GAK: variants seen among roughly 807,000 people sequenced by gnomAD.
The protein encoded by GAK is cyclin-G-associated kinase.
A neutral mutation model predicts 143.9 loss-of-function variants in GAK; 79 were observed. The observed-to-expected ratio is 0.55, with a 90% CI of 0.46 to 0.66. The LOEUF is 0.66. Among genes scored for constraint, GAK ranks in the 30% least tolerant of loss-of-function variants. The probability of loss-of-function intolerance (pLI) is 0.00; values close to 1 mark genes in which losing one functional copy is unlikely to be tolerated. For missense variants in GAK, 1,693 were observed against 1,779.7 expected (o/e 0.95, Z 0.88); for synonymous variants, 881 against 765.5 (o/e 1.15, Z -2.49).
chr4:875,611 G>A lies in GAK; in HGVS notation c.2054+919C>T, dbSNP rs115951510. Among the ~76,000 whole-genome samples, 300 of 152,374 alleles carry A rather than the reference G, an allele frequency of 2.0e-3. 3 individuals are homozygous for A. Among genetic ancestry groups the A allele is most frequent in the African/African-American group, 6.7e-3 (279 of 41,586 alleles). On this transcript the variant is annotated intron_variant, in intron 18 of 27. Transcript: ENST00000314167. ...CTCTGTCTTGGGAGCCCCCGTGGGTGCCCCCTCTGACTCCTGGAACAATGT... is the reference window on the plus strand; with the variant it reads ...CTCTGTCTTGGGAGCCCCCGTGGGTACCCCCTCTGACTCCTGGAACAATGT...
chr4:861,740 T>C (rs1560292720), intron 23 of GAK, among the ~76,000 whole-genome samples: 1 of 152,188 alleles, frequency 6.6e-6, no homozygotes, highest in Non-Finnish European at 1.5e-5. Flanking sequence ...CTATTGCTGA[T>C]ACAGAGGAAG....
Position 926,973 on chromosome 4 carries a change from G to A in GAK, c.145+5070C>T, listed in dbSNP as rs1240586165. Among the ~76,000 whole-genome samples, 71 of 22,688 alleles carry A rather than the reference G, an allele frequency of 3.1e-3. 8 individuals are homozygous for A. Among genetic ancestry groups the A allele is most frequent in the East Asian group, 0.023 (7 of 302 alleles). 14.9% of individuals were successfully genotyped at this position (22,688 alleles called of 152,430 possible). A position where few individuals can be genotyped will look rare whatever the true frequency, so the allele number is the denominator to read the frequency against. ...CCCGCACCCCTCCCCGCTCACCTGC[G>A]CTCCGCACTGCCCCGCACCCCTCCC... On this transcript the variant is annotated intron_variant, in intron 1 of 27. Coordinates refer to ENST00000314167, the MANE Select transcript of GAK (RefSeq NM_005255.4).
At chr4:920,684 C>T (rs1175627102) in intron 1 of GAK, among the ~76,000 whole-genome samples, 5 of 151,698 alleles carry the variant, frequency 3.3e-5, no homozygotes, top group Admixed American at 2.6e-4. Context: ...GCTGGGACTA[C>T]AGGCGCCCAC....
At chr4:920,838 G>A (rs1184795854) in intron 1 of GAK, among the ~76,000 whole-genome samples, 1 of 152,002 alleles carries the variant, frequency 6.6e-6, no homozygotes, top group Non-Finnish European at 1.5e-5. Flanking sequence ...CACCATGCCC[G>A]GCCCCAGATA....
chr4:880,301 C>T (rs1246462801), intron 15 of GAK, among the ~76,000 whole-genome samples: 1 of 152,024 alleles, frequency 6.6e-6, no homozygotes, highest in Non-Finnish European at 1.5e-5. Flanking sequence ...TGAGGGTCCT[C>T]TTTCCACGGC....
intron 23 of GAK, among the ~76,000 whole-genome samples, chr4:864,685 G>A (rs7663814): frequency 6.6e-6 from 1 of 151,948 alleles, no homozygotes; most frequent in African/African-American, 2.4e-5. Context: ...ACAGGGCATG[G>A]GGCATCGGCC....
At chr4:859,477 G>T in intron 24 of GAK, 129 bp downstream of exon 24, 1 of 1,602,274 alleles carries the variant, frequency 6.2e-7, no homozygotes, top group African/African-American at 1.3e-5. Flanking sequence ...GGCTCACTGT[G>T]CTCTGGGCTT....
At chr4:902,614 A>AAAAAAAAAAAAG (rs796109765) in intron 5 of GAK, among the ~76,000 whole-genome samples, 1 of 148,294 alleles carries the variant, frequency 6.7e-6, no homozygotes, top group Non-Finnish European at 1.5e-5. Context: ...AAAAAAAAAA[A>AAAAAAAAAAAAG]CCCCAAAAAA....
At chr4:875,454 C>T (rs2152786091) in intron 18 of GAK, among the ~76,000 whole-genome samples, 1 of 152,356 alleles carries the variant, frequency 6.6e-6, no homozygotes, top group East Asian at 1.9e-4. Flanking sequence ...CTCACCCAGG[C>T]CAGGCCAGCA....
chr4:914,399 C>CCA (rs1299473305), intron 1 of GAK, among the ~76,000 whole-genome samples: 1 of 125,056 alleles, frequency 8.0e-6, no homozygotes, highest in East Asian at 2.5e-4. Context: ...ATGCACGGCC[C>CCA]CACACACAGA....
chr4:863,403 C>T (rs1444292607), intron 23 of GAK, among the ~76,000 whole-genome samples: 2 of 152,166 alleles, frequency 1.3e-5, no homozygotes, highest in Non-Finnish European at 2.9e-5. Context: ...TTAGAATATT[C>T]CTTAAACTTA....
chr4:879,490 AG>A (rs1210411645), intron 15 of GAK, among the ~76,000 whole-genome samples: 1 of 140,390 alleles, frequency 7.1e-6, no homozygotes, highest in Non-Finnish European at 1.6e-5. Context: ...ACAGCACCGA[AG>A]AAAAACCCTT....
Position 865,128 on chromosome 4 carries a change from T to C in GAK, c.3160A>G (p.Thr1054Ala), listed in dbSNP as rs1200703978. 1.2e-6 allele frequency: 2 copies of C among 1,608,706 alleles called. No homozygotes were observed. The highest frequency in any genetic ancestry group is 1.3e-5 in the African/African-American group (1 of 74,974). The change falls in exon 23 of 28, where the codon ACA (threonine) becomes GCA (alanine). Residue 1054 changes from threonine to alanine, a missense_variant. Physicochemically the swap from Thr to Ala is moderately conservative, Grantham distance 58 (BLOSUM62 0). Transcript: ENST00000314167. The part of the protein sequence containing the change: ...AASAVAPTPA[T>A]EGPLFSPGGQ... ...TGGTGGGTGGTGGCCATACCTTCTG[T>C]GGCTGGCGTGGGGGCCACTGCCGAT...
intron 22 of GAK, 45 bp downstream of exon 22, chr4:866,319 G>A (rs759766233): frequency 6.3e-7 from 1 of 1,588,256 alleles, no homozygotes; most frequent in Admixed American, 1.7e-5. Context: ...GCGGTCCTGA[G>A]GGAGGCGGCC....
chr4:883,950 C>T (rs1715701917), intron 12 of GAK, 87 bp downstream of exon 12: 1 of 1,281,810 alleles, frequency 7.8e-7, no homozygotes, highest in East Asian at 2.3e-5. Flanking sequence ...GGAGCAGAGG[C>T]ACCTGTGCCC....
chr4:907,294 C>T (rs1258040022), intron 4 of GAK, among the ~76,000 whole-genome samples: 5 of 152,214 alleles, frequency 3.3e-5, no homozygotes, highest in African/African-American at 1.2e-4. Flanking sequence ...TGGCCCTCAA[C>T]CCCAGGTGAA....
At chr4:911,858 A>T in intron 3 of GAK, 71 bp from the exon 4 acceptor site, 1 of 1,160,162 alleles carries the variant, frequency 8.6e-7, no homozygotes, top group Non-Finnish European at 1.3e-6. Flanking sequence ...AAATAAATGT[A>T]GACAATATTA....
chr4:864,986 C>T lies in GAK; in HGVS notation c.3166+136G>A, dbSNP rs7377258. The T allele has an allele frequency of 2.5e-3, 3,147 of 1,234,968 alleles. 136 individuals carry two copies. In the Admixed American group the frequency reaches 0.074, roughly 29 times the overall value. The allele number at this position is 1,234,968 out of a possible 1,614,324, so 76.5% of individuals were successfully genotyped here. A position where few individuals can be genotyped will look rare whatever the true frequency, so the allele number is the denominator to read the frequency against. On this transcript the variant is annotated intron_variant, in intron 23 of 27. Coordinates refer to ENST00000314167, the MANE Select transcript of GAK (RefSeq NM_005255.4). ...ATACCACAGCCTTGTGTGCGGAGCC[C>T]GCACCACCAAGCACGCCCCAGCCCT... is the stretch of plus-strand genomic sequence containing the variant.
intron 27 of GAK, 58 bp downstream of exon 27, chr4:849,834 A>ACCCCCCCCCCCCCCCCCCCCCCCCAAGCC (rs33919242): frequency 1.2e-6 from 1 of 839,146 alleles, no homozygotes; most frequent in African/African-American, 2.1e-5. Context: ...GCGGGGCAGG[A>ACCCCCCCCCCCCCCCCCCCCCCCCAAGCC]CCCCCCCCCC....
Sources: allele counts gnomAD v4.1 joint callset (sites outside exome capture counted in the v4.1 genomes callset), GRCh38; gene constraint gnomAD v4.1.1; transcripts MANE v1.5; gene names NCBI Gene and HGNC (gene_info 2026-07-23, HGNC 2026-07-21).